Variants in CDH8 observed in about 807,000 individuals in gnomAD.
CDH8 encodes cadherin-8.
A neutral mutation model predicts 68.1 loss-of-function variants in CDH8; 17 were observed. The ratio of observed to expected loss-of-function variants is 0.25; its 90% CI spans 0.17 to 0.37. The LOEUF (loss-of-function observed/expected upper bound fraction) is 0.37, where lower values mean the gene tolerates loss of function less well. CDH8 is among the 10% of genes least tolerant of loss of function. The probability of loss-of-function intolerance (pLI) is 1.00; values close to 1 mark genes in which losing one functional copy is unlikely to be tolerated. For missense variants in CDH8, 763 were observed against 999.3 expected (o/e 0.76, Z 3.19); for synonymous variants, 372 against 365.1 (o/e 1.02, Z -0.21).
chr16:62,030,106 T>C (rs1345527904), intron 1 of CDH8, among the ~76,000 whole-genome samples: 1 of 152,192 alleles, frequency 6.6e-6, no homozygotes, highest in Admixed American at 6.5e-5. Flanking sequence ...TAAAACTTTA[T>C]AGCTTAATAA....
intron 2 of CDH8, among the ~76,000 whole-genome samples, chr16:61,917,116 G>A (rs1219941733): frequency 6.7e-6 from 1 of 149,512 alleles, no homozygotes; most frequent in Non-Finnish European, 1.5e-5. Context: ...TATGATGTCT[G>A]TCCTTGCAAG....
At chr16:62,015,329 C>A (rs1162001500) in intron 2 of CDH8, among the ~76,000 whole-genome samples, 4 of 152,018 alleles carry the variant, frequency 2.6e-5, no homozygotes, top group African/African-American at 7.2e-5. Context: ...GAAAATATCT[C>A]AAATCTGAAA....
intron 3 of CDH8, among the ~76,000 whole-genome samples, chr16:61,897,248 C>T (rs548735480): frequency 4.0e-5 from 6 of 151,898 alleles, no homozygotes; most frequent in Non-Finnish European, 7.4e-5. Flanking sequence ...CACTTCATTA[C>T]GTAGCTGATA....
chr16:61,858,699 C>T (rs1963095471), intron 3 of CDH8, among the ~76,000 whole-genome samples: 1 of 152,140 alleles, frequency 6.6e-6, no homozygotes, highest in African/African-American at 2.4e-5. Context: ...TGGACAGAAG[C>T]ATCTGGGATG....
At chr16:61,965,840 G>T (rs1395873792) in intron 2 of CDH8, among the ~76,000 whole-genome samples, 1 of 152,160 alleles carries the variant, frequency 6.6e-6, no homozygotes, top group Non-Finnish European at 1.5e-5. Flanking sequence ...CATAACATAT[G>T]TTAATTCCTT....
chr16:61,712,555 T>C (rs1964650720), intron 10 of CDH8, among the ~76,000 whole-genome samples: 1 of 151,626 alleles, frequency 6.6e-6, no homozygotes, highest in African/African-American at 2.4e-5. Flanking sequence ...TAAGGAGGCT[T>C]TGTGTTAGAA....
chr16:61,661,909 AC>A (rs1963565400), intron 10 of CDH8, among the ~76,000 whole-genome samples: 1 of 151,680 alleles, frequency 6.6e-6, no homozygotes, highest in Non-Finnish European at 1.5e-5. Flanking sequence ...AACTTCTAAT[AC>A]AATTTTGAGT....
At chr16:61,940,499 A>AAGC (rs1474455534) in intron 2 of CDH8, 1 of 151,034 alleles carries the variant, frequency 6.6e-6, no homozygotes, top group Non-Finnish European at 1.5e-5. Context: ...TCCCAGGTTC[A>AAGC]AGCAGTTCTC....
intron 3 of CDH8, among the ~76,000 whole-genome samples, chr16:61,869,915 G>T (rs1963325186): frequency 6.6e-6 from 1 of 152,252 alleles, no homozygotes; most frequent in Non-Finnish European, 1.5e-5. Flanking sequence ...AGATGGAAAA[G>T]GAGAAAAAGA....
At chr16:61,717,907 T>C (rs964192295) in intron 9 of CDH8, among the ~76,000 whole-genome samples, 1 of 151,598 alleles carries the variant, frequency 6.6e-6, no homozygotes, top group African/African-American at 2.4e-5. Context: ...AAGAAACTTA[T>C]CAGCACTGTG....
intron 3 of CDH8, among the ~76,000 whole-genome samples, chr16:61,872,050 C>A (rs779615593): frequency 2.6e-5 from 4 of 152,016 alleles, no homozygotes; most frequent in Non-Finnish European, 5.9e-5. Flanking sequence ...AATCTCTGGG[C>A]CTGACTCAAT....
At chr16:61,699,632 T>G (rs1192078415) in intron 10 of CDH8, among the ~76,000 whole-genome samples, 1 of 152,216 alleles carries the variant, frequency 6.6e-6, no homozygotes, top group Non-Finnish European at 1.5e-5. Flanking sequence ...TGGAGTACAA[T>G]GGCATGATCT....
intron 2 of CDH8, among the ~76,000 whole-genome samples, chr16:61,924,922 C>T (rs968298775): frequency 1.3e-5 from 2 of 152,028 alleles, no homozygotes; most frequent in African/African-American, 2.4e-5. Context: ...CTTTGAAATT[C>T]GTCGTTCTGA....
chr16:61,674,023 G>A (rs1963846686), intron 10 of CDH8, among the ~76,000 whole-genome samples: 1 of 152,114 alleles, frequency 6.6e-6, no homozygotes, highest in South Asian at 2.1e-4. Flanking sequence ...TATGTTGAAT[G>A]ACTACTGTGA....
At chr16:61,842,048 C>T (rs112032183) in intron 4 of CDH8, among the ~76,000 whole-genome samples, 29 of 134,346 alleles carry the variant, frequency 2.2e-4, no homozygotes, top group African/African-American at 6.6e-4. Context: ...CCACCACGCC[C>T]GGCTAATTTT....
intron 9 of CDH8, 167 bp downstream of exon 9, chr16:61,726,927 C>T (rs1362248326): frequency 1.5e-6 from 1 of 688,452 alleles, no homozygotes; most frequent in Non-Finnish European, 2.4e-6. Context: ...AGAGAAATAA[C>T]ATCTGATGGA....
intron 9 of CDH8, among the ~76,000 whole-genome samples, chr16:61,724,017 T>C (rs534549442): frequency 6.6e-6 from 1 of 150,760 alleles, no homozygotes; most frequent in East Asian, 2.0e-4. Flanking sequence ...TTAGCAATGA[T>C]AACATATATA....
chr16:61,825,284 C>T (rs1962304569), intron 4 of CDH8, 105 bp from the exon 5 acceptor site: 1 of 783,044 alleles, frequency 1.3e-6, no homozygotes, highest in East Asian at 2.8e-5. Flanking sequence ...CACCAAGTCC[C>T]TAGTCAGATA....
intron 9 of CDH8, 33 bp downstream of exon 9, chr16:61,727,061 C>A: frequency 6.2e-7 from 1 of 1,606,916 alleles, no homozygotes; most frequent in East Asian, 2.2e-5. Flanking sequence ...TGTATACAAA[C>A]ATATTCAGCA....
Sources: gnomAD v4.1 joint callset for allele counts (sites outside exome capture counted in the v4.1 genomes callset) on GRCh38, gnomAD v4.1.1 for gene constraint, MANE v1.5 for transcripts, NCBI Gene and HGNC (gene_info 2026-07-23, HGNC 2026-07-21) for gene names.